ZC3H3: variants seen among roughly 807,000 people sequenced by gnomAD.
ZC3H3 encodes zinc finger CCCH domain-containing protein 3.
In ZC3H3, 36 loss-of-function variants were observed where a neutral mutation model predicts 77.3. That is an observed-to-expected ratio of 0.47 (90% CI 0.36 to 0.61). The LOEUF (loss-of-function observed/expected upper bound fraction) is 0.61, where lower values mean the gene tolerates loss of function less well. Ranked by LOEUF, ZC3H3 falls within the 20% of genes least tolerant of loss-of-function variation. The pLI is 0.00. For missense variants in ZC3H3, 1,331 were observed against 1,312.2 expected, an observed-to-expected ratio of 1.01 and a Z score of -0.22; for synonymous variants, 626 against 555.2, an observed-to-expected ratio of 1.13 and a Z score of -1.79.
intron 5 of ZC3H3, among the ~76,000 whole-genome samples, chr8:143,473,479 G>A (rs1820637313): frequency 6.6e-6 from 1 of 152,174 alleles, no homozygotes; most frequent in South Asian, 2.1e-4. Context: ...CATGGGAGAT[G>A]CAGGGCACCC....
chr8:143,520,543 G>A (rs1477407221), intron 3 of ZC3H3, among the ~76,000 whole-genome samples: 2 of 152,206 alleles, frequency 1.3e-5, no homozygotes, highest in Non-Finnish European at 2.9e-5. Context: ...CAGGGTGCTG[G>A]TTTCAGCCGG....
intron 4 of ZC3H3, among the ~76,000 whole-genome samples, chr8:143,478,226 A>G (rs569184400): frequency 6.6e-6 from 1 of 152,272 alleles, no homozygotes; most frequent in East Asian, 1.9e-4. Flanking sequence ...CCCCTGACTG[A>G]GGCTCACATG....
At chr8:143,485,863 A>T (rs1821037667) in intron 4 of ZC3H3, among the ~76,000 whole-genome samples, 1 of 152,276 alleles carries the variant, frequency 6.6e-6, no homozygotes, top group Non-Finnish European at 1.5e-5. Flanking sequence ...AAAGATGCCC[A>T]GCAATGCCAG....
intron 4 of ZC3H3, among the ~76,000 whole-genome samples, chr8:143,505,978 G>C (rs1468576880): frequency 6.6e-6 from 1 of 152,240 alleles, no homozygotes; most frequent in Non-Finnish European, 1.5e-5. Context: ...GAACTTGGAG[G>C]GAGCCTATCA....
At chr8:143,463,467 A>G (rs1820320925) in intron 9 of ZC3H3, among the ~76,000 whole-genome samples, 1 of 152,208 alleles carries the variant, frequency 6.6e-6, no homozygotes, top group South Asian at 2.1e-4. Flanking sequence ...ACACAGCCGG[A>G]CACACCCGTG....
chr8:143,475,038 C>T (rs1820693210), intron 5 of ZC3H3, among the ~76,000 whole-genome samples: 1 of 152,252 alleles, frequency 6.6e-6, no homozygotes, highest in Non-Finnish European at 1.5e-5. Context: ...TCAGGGGCCG[C>T]TCAGCCACGC....
At chr8:143,501,324 C>CTTG (rs969620283) in intron 4 of ZC3H3, among the ~76,000 whole-genome samples, 20 of 152,194 alleles carry the variant, frequency 1.3e-4, no homozygotes, top group African/African-American at 4.1e-4. Flanking sequence ...CCTCCTCAGT[C>CTTG]TCCCAAGTAG....
At chr8:143,474,701 C>T (rs544836584) in intron 5 of ZC3H3, among the ~76,000 whole-genome samples, 3 of 152,372 alleles carry the variant, frequency 2.0e-5, no homozygotes, top group South Asian at 2.1e-4. Flanking sequence ...GCAATCCCAA[C>T]ACCACCTGCA....
At chr8:143,541,299 C>T in intron 1 of ZC3H3, 77 bp downstream of exon 1, 1 of 1,588,718 alleles carries the variant, frequency 6.3e-7, no homozygotes, top group Non-Finnish European at 8.6e-7. Flanking sequence ...GCGACCCCTT[C>T]GACAAGGGGG....
intron 4 of ZC3H3, among the ~76,000 whole-genome samples, chr8:143,476,926 A>T (rs1820750871): frequency 6.6e-6 from 1 of 152,126 alleles, no homozygotes; most frequent in Non-Finnish European, 1.5e-5. Flanking sequence ...TGCCCCCTAG[A>T]CCCAGGCCCG....
At chr8:143,448,959 T>TAG (rs1186098825) in intron 9 of ZC3H3, among the ~76,000 whole-genome samples, 20 of 152,240 alleles carry the variant, frequency 1.3e-4, no homozygotes, top group African/African-American at 4.8e-4. Context: ...CTTCCAAGGC[T>TAG]TACTATGGTT....
Position 143,530,962 on chromosome 8 carries a change from T to A in ZC3H3, c.1561+5295A>T, listed in dbSNP as rs1365978870. On this transcript the variant is annotated intron_variant, in intron 3 of 11. Coordinates refer to ENST00000262577, the MANE Select transcript of ZC3H3 (RefSeq NM_015117.3). This position sits in a 1 kb window ranked among gnomAD's most constrained non-coding sequence, Gnocchi z 4.3. The stretch of plus-strand genomic sequence containing the variant: ...TGGGGCTGTCTTCTATCTCCTTTTT[T>A]TTTTTTTTTTTTTTTGAGACAGGGT... Among the ~76,000 whole-genome samples, 1 of 148,956 alleles carries A rather than the reference T, an allele frequency of 6.7e-6. No individual in the cohort carries two copies. The highest frequency in any genetic ancestry group is 1.5e-5 in the Non-Finnish European group (1 of 67,060).
At chr8:143,482,226 A>G (rs1820925916) in intron 4 of ZC3H3, among the ~76,000 whole-genome samples, 1 of 152,220 alleles carries the variant, frequency 6.6e-6, no homozygotes, top group African/African-American at 2.4e-5. Context: ...AGGTCTTTGC[A>G]CGTGCTGTCC....
rs528420882 is a variant in ZC3H3, at chr8:143,491,223, G to A, written c.1716-15638C>T. Among the ~76,000 whole-genome samples the A allele has an allele frequency of 6.6e-5, 10 of 152,214 alleles. No individual in the cohort carries two copies. The East Asian group carries it at 1.7e-3, about 27-fold the overall frequency. ...TCCACGGATCCCACAGGAACCCCCG[G>A]GGGGCCCTTGAGCTCCCTCCCCGAA... On this transcript the variant is annotated intron_variant, in intron 4 of 11. Coordinates refer to ENST00000262577, the MANE Select transcript of ZC3H3 (RefSeq NM_015117.3).
At position 143,440,976 on chromosome 8, in the gene ZC3H3, C is replaced by T. The variant is rs376700765; in HGVS notation, c.2452G>A (p.Ala818Thr). Residue 818 changes from alanine to threonine, a missense_variant, in exon 10 of 12, where the codon GCA becomes ACA. By Grantham distance (58) the Ala-to-Thr change is moderately conservative (BLOSUM62 0). This residue lies in a region of ZC3H3 where 249 missense variants were observed against 236.9 expected (regional missense o/e 1.05). Coordinates refer to ENST00000262577, the MANE Select transcript of ZC3H3 (RefSeq NM_015117.3). ...GCCGAGACCCTGCTCCTGGCGGTTG[C>T]GTCGCTGGGCCCTGGGGCGGGGGAC... is the stretch of plus-strand genomic sequence containing the variant. ...ATSPAPGPSD[A>T]TARSRVSASH... 2.4e-5 allele frequency: 35 copies of T among 1,450,418 alleles called. No homozygotes were observed. The highest frequency in any genetic ancestry group is 3.0e-5 in the South Asian group (2 of 66,646). The allele number at this position is 1,450,418 out of a possible 1,614,324, so 89.8% of individuals were successfully genotyped here. A position where few individuals can be genotyped will look rare whatever the true frequency, so the allele number is the denominator to read the frequency against.
chr8:143,511,683 C>G (rs527910292), intron 3 of ZC3H3, among the ~76,000 whole-genome samples: 17 of 152,178 alleles, frequency 1.1e-4, no homozygotes, highest in African/African-American at 3.9e-4. Flanking sequence ...GGCCTCTGAC[C>G]GTGCCCCAGG....
rs574784164 is a variant in ZC3H3 at position 143,507,643 on chromosome 8, T to C, written c.1715+103A>G. The stretch of plus-strand genomic sequence containing the variant: ...CCCAACACCAAGCAGTTCTGGGATG[T>C]GCTCAGCTCCCCCTGGCCCTTGGAT... On this transcript the variant is annotated intron_variant, in intron 4 of 11. Transcript: ENST00000262577. 6.8e-6 allele frequency: 9 copies of C among 1,325,420 alleles called. No individual in the cohort carries two copies. In the South Asian group the frequency reaches 1.1e-4, roughly 16 times the overall value. 82.1% of individuals were successfully genotyped at this position (1,325,420 alleles called of 1,614,324 possible).
At chr8:143,529,496 G>A (rs1175544116) in intron 3 of ZC3H3, among the ~76,000 whole-genome samples, 1 of 152,172 alleles carries the variant, frequency 6.6e-6, no homozygotes, top group Non-Finnish European at 1.5e-5. Context: ...GGGCCCCAGG[G>A]ACCTCTGAGG....
intron 9 of ZC3H3, among the ~76,000 whole-genome samples, chr8:143,446,533 C>T (rs1368928339): frequency 6.6e-6 from 1 of 152,146 alleles, no homozygotes; most frequent in African/African-American, 2.4e-5. Flanking sequence ...CCAAAAATCA[C>T]CAAAAAGATT....
Sources: allele counts gnomAD v4.1 joint callset (sites outside exome capture counted in the v4.1 genomes callset), GRCh38; gene constraint gnomAD v4.1.1; regional missense constraint gnomAD v4.1.1; non-coding constraint Gnocchi (gnomAD v3.1); transcripts MANE v1.5; gene names NCBI Gene and HGNC (gene_info 2026-07-23, HGNC 2026-07-21).